Variants in LEPR observed in about 807,000 individuals in gnomAD.
LEPR encodes the protein leptin receptor.
In LEPR, 56 loss-of-function variants were observed where a neutral mutation model predicts 114.7. That is an observed-to-expected ratio of 0.49 (90% CI 0.39 to 0.61). The LOEUF (loss-of-function observed/expected upper bound fraction) is 0.61, where lower values mean the gene tolerates loss of function less well. Among genes scored for constraint, LEPR ranks in the 20% least tolerant of loss-of-function variants. The pLI is 0.00. For missense variants in LEPR, 1,202 were observed against 1,352.9 expected (o/e 0.89, Z 1.75); for synonymous variants, 443 against 461.4 (o/e 0.96, Z 0.51).
chr1:65,545,840 T>G (rs1050798095), intron 2 of LEPR, among the ~76,000 whole-genome samples: 2 of 152,066 alleles, frequency 1.3e-5, no homozygotes, highest in East Asian at 3.9e-4. Flanking sequence ...TTTTGGCTTT[T>G]GTTGCCATTG....
chr1:65,449,454 G>A lies in LEPR; in HGVS notation c.-21+24076G>A, dbSNP rs542873566. ...CTCCCTCTCGGACCCTGGGGCAGCC[G>A]CAGGAAGGGTAGGCTGGGAGGGGCT... On this transcript the variant is annotated intron_variant, in intron 2 of 19. Transcript: ENST00000349533. Among the ~76,000 whole-genome samples the A allele has an allele frequency of 2.0e-5, 3 of 152,104 alleles. No homozygotes were observed. In the South Asian group the frequency reaches 6.2e-4, roughly 32 times the overall value.
intron 3 of LEPR, among the ~76,000 whole-genome samples, chr1:65,568,817 T>C (rs533167489): frequency 7.9e-5 from 12 of 152,334 alleles, no homozygotes; most frequent in Middle Eastern, 3.4e-3. Context: ...TCCTTTTCTC[T>C]GCATCCTCAC....
At chr1:65,525,162 A>T (rs1378815995) in intron 2 of LEPR, among the ~76,000 whole-genome samples, 1 of 151,772 alleles carries the variant, frequency 6.6e-6, no homozygotes, top group East Asian at 1.9e-4. Context: ...GAAACTCATG[A>T]CCTCACTAGT....
intron 5 of LEPR, among the ~76,000 whole-genome samples, chr1:65,572,911 C>T (rs558041559): frequency 4.0e-4 from 61 of 152,304 alleles, no homozygotes; most frequent in Middle Eastern, 3.4e-3. Flanking sequence ...TGCTCCTATG[C>T]ACAGCTGCAC....
At chr1:65,460,860 G>T (rs1646936315) in intron 2 of LEPR, among the ~76,000 whole-genome samples, 1 of 150,838 alleles carries the variant, frequency 6.6e-6, no homozygotes, top group African/African-American at 2.4e-5. Context: ...AACAAAAACA[G>T]AAACAAAAAC....
At position 65,581,156 on chromosome 1, in the gene LEPR, C is replaced by G. The variant is rs143573738; in HGVS notation, c.494+8707C>G. On this transcript the variant is annotated intron_variant, in intron 5 of 19. Transcript: ENST00000349533. The stretch of plus-strand genomic sequence containing the variant: ...GTATTTTCACACCACTTTGTTCACC[C>G]CTTGTCATGGACATGCTCGAGACTT... Among the ~76,000 whole-genome samples the G allele has an allele frequency of 6.6e-5, 10 of 152,276 alleles. No homozygotes were observed. The East Asian group carries it at 1.7e-3, about 26-fold the overall frequency.
At chr1:65,491,103 G>A (rs1647844003) in intron 2 of LEPR, among the ~76,000 whole-genome samples, 1 of 152,054 alleles carries the variant, frequency 6.6e-6, no homozygotes, top group Non-Finnish European at 1.5e-5. Flanking sequence ...ACTGTGGGCT[G>A]AACAATATGC....
intron 2 of LEPR, chr1:65,435,119 A>G (rs942443387): frequency 1.0e-6 from 1 of 985,354 alleles, no homozygotes. Flanking sequence ...TGGGACAGGG[A>G]AAATCCTGTC....
chr1:65,532,512 CCA>C (rs1290166234), intron 2 of LEPR, among the ~76,000 whole-genome samples: 1 of 152,052 alleles, frequency 6.6e-6, no homozygotes. Flanking sequence ...AAATATACAT[CCA>C]CACAAAAAGT....
chr1:65,552,617 G>A (rs1285000889), intron 2 of LEPR, among the ~76,000 whole-genome samples: 1 of 152,066 alleles, frequency 6.6e-6, no homozygotes, highest in African/African-American at 2.4e-5. Context: ...GCAAAGGCAT[G>A]TGAGACTGGT....
chr1:65,629,413 AT>A (rs1271641747), intron 19 of LEPR: 1 of 423,378 alleles, frequency 2.4e-6, no homozygotes, highest in African/African-American at 2.1e-5. Context: ...CTGAATTTGC[AT>A]TGTTATGATT....
chr1:65,477,273 C>T lies in LEPR; in HGVS notation c.-21+51895C>T, dbSNP rs372145112. 3.3e-5 allele frequency among the ~76,000 whole-genome samples: 5 copies of T among 152,148 alleles called. No individual in the cohort carries two copies. The East Asian group carries it at 7.7e-4, about 23-fold the overall frequency. The stretch of plus-strand genomic sequence containing the variant: ...GCTTCCTCAGAGTAACTTATCTCCC[C>T]ACCTCCCCGTGGCCCCACTTCCACA... On this transcript the variant is annotated intron_variant, in intron 2 of 19. Coordinates refer to ENST00000349533, the MANE Select transcript of LEPR (RefSeq NM_002303.6).
chr1:65,439,274 G>C (rs1022668218), intron 2 of LEPR, among the ~76,000 whole-genome samples: 65 of 152,072 alleles, frequency 4.3e-4, no homozygotes, highest in Non-Finnish European at 1.2e-4. Context: ...TATATTCCCT[G>C]ATTTCTAACT....
chr1:65,493,795 A>G (rs771590435), intron 2 of LEPR: 4 of 152,158 alleles, frequency 2.6e-5, no homozygotes, highest in Non-Finnish European at 5.9e-5. Context: ...GGTATAATCA[A>G]TTAATAATTG....
intron 19 of LEPR, among the ~76,000 whole-genome samples, chr1:65,624,462 T>C (rs1275712365): frequency 1.3e-5 from 2 of 152,186 alleles, no homozygotes; most frequent in Admixed American, 1.3e-4. Flanking sequence ...GCAGCTGTTC[T>C]CTATAGCAGT....
intron 10 of LEPR, among the ~76,000 whole-genome samples, chr1:65,603,295 C>T (rs1656573874): frequency 6.6e-6 from 1 of 151,936 alleles, no homozygotes; most frequent in Non-Finnish European, 1.5e-5. Flanking sequence ...TTATTTTCTA[C>T]CCCCAGATGA....
At chr1:65,550,827 T>A (rs1373322716) in intron 2 of LEPR, among the ~76,000 whole-genome samples, 2 of 152,080 alleles carry the variant, frequency 1.3e-5, no homozygotes, top group Non-Finnish European at 2.9e-5. Context: ...GCACCCACTG[T>A]CCTGCACCCA....
chr1:65,503,209 A>G (rs1648547204), intron 2 of LEPR, among the ~76,000 whole-genome samples: 2 of 152,190 alleles, frequency 1.3e-5, no homozygotes, highest in Admixed American at 6.6e-5. Context: ...TGATGAAACC[A>G]TTCTGCATGA....
At chr1:65,515,359 A>G (rs1481970404) in intron 2 of LEPR, among the ~76,000 whole-genome samples, 1 of 152,240 alleles carries the variant, frequency 6.6e-6, no homozygotes, top group Non-Finnish European at 1.5e-5. Context: ...GCAAGTCCGT[A>G]AAATGGTCAA....
Sources: allele counts gnomAD v4.1 joint callset (sites outside exome capture counted in the v4.1 genomes callset), GRCh38; gene constraint gnomAD v4.1.1; transcripts MANE v1.5; gene names NCBI Gene and HGNC (gene_info 2026-07-23, HGNC 2026-07-21).